CLSTN2: variants seen among roughly 807,000 people sequenced by gnomAD.
CLSTN2 encodes calsyntenin 2.
In CLSTN2, 48 loss-of-function variants were observed where a neutral mutation model predicts 101.2. The observed-to-expected ratio is 0.47, with a 90% CI of 0.38 to 0.60. The LOEUF is 0.60. Among genes scored for constraint, CLSTN2 ranks in the 20% least tolerant of loss-of-function variants. The pLI, the probability that CLSTN2 is intolerant of heterozygous loss-of-function variation, is 0.00. For synonymous variants in CLSTN2, 481 were observed against 463.6 expected (o/e 1.04, Z -0.48); for missense variants, 1,160 against 1,238.2 (o/e 0.94, Z 0.95).
At chr3:139,997,799 C>T (rs567156555) in intron 1 of CLSTN2, among the ~76,000 whole-genome samples, 22 of 151,692 alleles carry the variant, frequency 1.5e-4, no homozygotes, top group Non-Finnish European at 2.9e-4. Flanking sequence ...TTTGTAGAGC[C>T]TCTTGAAAAA....
chr3:140,537,971 G>T (rs962556077), intron 9 of CLSTN2, among the ~76,000 whole-genome samples: 1 of 152,118 alleles, frequency 6.6e-6, no homozygotes, highest in African/African-American at 2.4e-5. Context: ...GAGGTCCAGG[G>T]CATCTCTCCC....
intron 2 of CLSTN2, among the ~76,000 whole-genome samples, chr3:140,212,213 C>T (rs536027467): frequency 6.6e-6 from 1 of 152,168 alleles, no homozygotes; most frequent in Non-Finnish European, 1.5e-5. Flanking sequence ...CTATCTGGTG[C>T]ATTATGTTTA....
At chr3:140,126,781 A>C (rs1045798575) in intron 1 of CLSTN2, among the ~76,000 whole-genome samples, 1 of 152,112 alleles carries the variant, frequency 6.6e-6, no homozygotes, top group Non-Finnish European at 1.5e-5. Context: ...ATGTTCACTG[A>C]GAGCCTGAAT....
At position 140,069,527 on chromosome 3, in the gene CLSTN2, C is replaced by G. The variant is rs375613696; in HGVS notation, c.110-106424C>G. ...TGATTGTATAAGAAGTAAGTATGAC[C>G]CTTCCATGCCTGAATGACAAGCTCC... On this transcript the variant is annotated intron_variant, in intron 1 of 16. Coordinates refer to ENST00000458420, the MANE Select transcript of CLSTN2 (RefSeq NM_022131.3). 1.4e-4 allele frequency among the ~76,000 whole-genome samples: 21 copies of G among 152,238 alleles called. 1 individual carries two copies. Among genetic ancestry groups the G allele is most frequent in the African/African-American group, 5.1e-4 (21 of 41,538 alleles).
intron 2 of CLSTN2, among the ~76,000 whole-genome samples, chr3:140,352,244 A>G (rs2087616443): frequency 6.6e-6 from 1 of 152,224 alleles, no homozygotes; most frequent in Admixed American, 6.5e-5. Flanking sequence ...ATCAAAGCCA[A>G]AGGGAGGTCC....
At chr3:140,394,323 G>A (rs901179934) in intron 2 of CLSTN2, among the ~76,000 whole-genome samples, 1 of 152,170 alleles carries the variant, frequency 6.6e-6, no homozygotes, top group Non-Finnish European at 1.5e-5. Context: ...TTTGAATCCA[G>A]GTTTACCCTT....
At chr3:140,459,803 A>G (rs151121056) in intron 7 of CLSTN2, 34 bp downstream of exon 7, 1 of 1,373,166 alleles carries the variant, frequency 7.3e-7, no homozygotes, top group East Asian at 2.4e-5. Context: ...CACCCCTCCT[A>G]CCCCAGCAGC....
At chr3:140,246,366 G>A (rs1409392670) in intron 2 of CLSTN2, among the ~76,000 whole-genome samples, 1 of 152,118 alleles carries the variant, frequency 6.6e-6, no homozygotes, top group African/African-American at 2.4e-5. Context: ...GCTACTGGGG[G>A]ATCTTTTACT....
chr3:140,261,445 G>A (rs1270150942), intron 2 of CLSTN2, among the ~76,000 whole-genome samples: 2 of 151,760 alleles, frequency 1.3e-5, no homozygotes, highest in African/African-American at 4.8e-5. Flanking sequence ...GGGTTTTATT[G>A]AACACTTCTT....
At chr3:140,551,718 C>A (rs930658645) in intron 10 of CLSTN2, among the ~76,000 whole-genome samples, 3 of 151,714 alleles carry the variant, frequency 2.0e-5, no homozygotes, top group Non-Finnish European at 2.9e-5. Context: ...TCCTTTAAGC[C>A]CGAATCTCTT....
chr3:140,126,849 C>T (rs558178849), intron 1 of CLSTN2, among the ~76,000 whole-genome samples: 1 of 152,214 alleles, frequency 6.6e-6, no homozygotes, highest in Non-Finnish European at 1.5e-5. Flanking sequence ...CTGAACCATG[C>T]CCATCATAGT....
chr3:140,294,560 A>T (rs540164751), intron 2 of CLSTN2, among the ~76,000 whole-genome samples: 1 of 150,248 alleles, frequency 6.7e-6, no homozygotes, highest in Non-Finnish European at 1.5e-5. Flanking sequence ...GGCCTCCCCA[A>T]TGTCTTTTTT....
At chr3:140,467,667 A>T (rs1174042474) in intron 8 of CLSTN2, among the ~76,000 whole-genome samples, 5 of 151,984 alleles carry the variant, frequency 3.3e-5, no homozygotes, top group African/African-American at 1.2e-4. Flanking sequence ...ACTTCGTCCA[A>T]AGCCCACTGT....
At chr3:140,526,645 A>ACAACAAC (rs1553751556) in intron 8 of CLSTN2, among the ~76,000 whole-genome samples, 13 of 150,676 alleles carry the variant, frequency 8.6e-5, no homozygotes, top group East Asian at 5.9e-4. Context: ...AACAACAACA[A>ACAACAAC]AAAAAAAACT....
At chr3:140,462,656 A>G (rs1303418280) in intron 7 of CLSTN2, 2 of 152,200 alleles carry the variant, frequency 1.3e-5, no homozygotes, top group Non-Finnish European at 2.9e-5. Flanking sequence ...AGAGAGTACC[A>G]CTAACACCAC....
At chr3:139,984,311 A>C (rs1294298749) in intron 1 of CLSTN2, among the ~76,000 whole-genome samples, 1 of 152,176 alleles carries the variant, frequency 6.6e-6, no homozygotes, top group Admixed American at 6.5e-5. Context: ...TCATAAACAA[A>C]GAATGTTATC....
chr3:140,470,719 A>G (rs1933823346), intron 8 of CLSTN2, among the ~76,000 whole-genome samples: 1 of 152,226 alleles, frequency 6.6e-6, no homozygotes, highest in Admixed American at 6.5e-5. Flanking sequence ...ATGGGCAAAT[A>G]TAGGGAATTC....
At chr3:140,171,631 T>TGTGTGTGTGTGTTTGCACTTCTCAGA in intron 1 of CLSTN2, among the ~76,000 whole-genome samples, 1 of 123,394 alleles carries the variant, frequency 8.1e-6, no homozygotes, top group African/African-American at 3.1e-5. Context: ...ATAATATGTA[T>TGTGTGTGTGTGTTTGCACTTCTCAGA]TATATATTAT....
At chr3:140,428,981 T>C (rs1172079573) in intron 5 of CLSTN2, among the ~76,000 whole-genome samples, 1 of 152,188 alleles carries the variant, frequency 6.6e-6, no homozygotes, top group Non-Finnish European at 1.5e-5. Context: ...GTCTGGCTGC[T>C]TCCATCAACT....
Sources: gnomAD v4.1 joint callset for allele counts (sites outside exome capture counted in the v4.1 genomes callset) on GRCh38, gnomAD v4.1.1 for gene constraint, MANE v1.5 for transcripts, NCBI Gene and HGNC (gene_info 2026-07-23, HGNC 2026-07-21) for gene names.